MYH7B: variants seen among roughly 807,000 people sequenced by gnomAD.
The protein encoded by MYH7B is myosin-7B.
MYH7B carries 205 observed loss-of-function variants against 234.5 expected under a neutral mutation model. The observed-to-expected ratio is 0.87, with a 90% CI of 0.78 to 0.98. The LOEUF is 0.98. Among genes scored for constraint, MYH7B ranks in the 50% least tolerant of loss-of-function variants. MYH7B has a pLI of 0.00. For synonymous variants in MYH7B, 1,193 were observed against 1,105.0 expected (o/e 1.08, Z -1.58); for missense variants, 2,652 against 2,633.4 (o/e 1.01, Z -0.15).
chr20:34,979,399 G>A (rs746801438), exon 6 of MYH7B: 2 of 1,612,970 alleles, frequency 1.2e-6, no homozygotes, highest in East Asian at 2.2e-5. Flanking sequence ...GGGAAGAAGC[G>A]AGTCTGGGTG....
Position 34,997,457 on chromosome 20 carries a change from G to A in MYH7B, c.3564G>A (p.Ala1188=), listed in dbSNP as rs747493541. 5.4e-5 allele frequency: 80 copies of A among 1,490,804 alleles called. No homozygotes were observed. Among genetic ancestry groups the A allele is most frequent in the South Asian group, 2.2e-4 (17 of 76,254 alleles). 92.3% of individuals were successfully genotyped at this position (1,490,804 alleles called of 1,614,324 possible). A position where few individuals can be genotyped will look rare whatever the true frequency, so the allele number is the denominator to read the frequency against. Residue 1188 remains alanine (A), a synonymous_variant, in exon 32 of 45, where the codon GCG becomes GCA. Coordinates refer to ENST00000262873, the Ensembl canonical transcript of MYH7B. ...GGCTGCGGCGGGAGCTGGAGGAGGC[G>A]GCGCTGCGGCACGAGGCCACAGTGG...
chr20:34,999,251 ACGG>A, exon 36 of MYH7B: 1 of 1,605,198 alleles, frequency 6.2e-7, no homozygotes, highest in Non-Finnish European at 8.5e-7. Flanking sequence ...CACTGGAGGA[ACGG>A]CGGCGGCAGG....
At position 34,998,636 on chromosome 20, in the gene MYH7B, T is replaced by G; in HGVS notation, c.3993+7T>G. ...GCTAGAGGAGGAAAGCAAGGTGGGC[T>G]GGCACCGGTGACCATGGAGTGGGCA... is the stretch of plus-strand genomic sequence containing the variant. On this transcript the variant is annotated splice_region_variant and intron_variant, in intron 34 of 44. Transcript: ENST00000262873. The G allele has an allele frequency of 6.2e-7, 1 of 1,613,002 alleles. No individual in the cohort carries two copies. Among genetic ancestry groups the G allele is most frequent in the Non-Finnish European group, 8.5e-7 (1 of 1,179,880 alleles).
chr20:34,996,390 G>T, exon 29 of MYH7B: 1 of 1,610,786 alleles, frequency 6.2e-7, no homozygotes, highest in Non-Finnish European at 8.5e-7. Context: ...ACGAGTCAGT[G>T]GCCCGGCTGA....
Position 34,997,247 on chromosome 20 carries a change from C to A in MYH7B, c.3358-4C>A. 1.3e-6 allele frequency: 2 copies of A among 1,557,566 alleles called. No individual in the cohort carries two copies. Among genetic ancestry groups the A allele is most frequent in the East Asian group, 4.8e-5 (2 of 42,060 alleles). On this transcript the variant is annotated splice_region_variant and splice_polypyrimidine_tract_variant and intron_variant, in intron 31 of 44. Transcript: ENST00000262873. ...GTGACAGCTGCCCCACGTGCCCACC[C>A]CAGGCTCGGGCGGAGGAGCTGGAAG...
At chr20:34,992,965 T>C in intron 24 of MYH7B, 137 bp from the exon 25 acceptor site, 1 of 1,102,166 alleles carries the variant, frequency 9.1e-7, no homozygotes, top group Non-Finnish European at 1.3e-6. Flanking sequence ...CTGGAACCTC[T>C]GCACCAGCCT....
At position 34,999,915 on chromosome 20, in the gene MYH7B, A is replaced by C. The variant is rs1380956157; in HGVS notation, c.4781+9A>C. On this transcript the variant is annotated intron_variant, in intron 38 of 44. Transcript: ENST00000262873. Reference sequence around the variant, plus strand: ...GAGTGCGCTAACCTGAGGTGTGTCCATCCTTCTCCCGTCCCCACCTCCCGA... The same window carrying C: ...GAGTGCGCTAACCTGAGGTGTGTCCCTCCTTCTCCCGTCCCCACCTCCCGA... 2 of 1,610,914 alleles carry C rather than the reference A, an allele frequency of 1.2e-6. No homozygotes were observed. The highest frequency in any genetic ancestry group is 2.2e-5 in the East Asian group (1 of 44,826).
At position 34,987,038 on chromosome 20, in the gene MYH7B, C is replaced by T. The variant is rs768715114; in HGVS notation, c.1008+49C>T. 3.6e-5 allele frequency: 58 copies of T among 1,608,726 alleles called. 1 individual carries two copies. Among genetic ancestry groups the T allele is most frequent in the South Asian group, 2.0e-4 (18 of 90,946 alleles). ...GCTGTGTGGACGCCTGTGGTGGAAT[C>T]GGGCAGCACTGCCGGTGCCCCCAGC... On this transcript the variant is annotated intron_variant, in intron 15 of 44. Transcript: ENST00000262873.
At chr20:34,977,939 G>A in exon 5 of MYH7B, 1 of 1,613,604 alleles carries the variant, frequency 6.2e-7, no homozygotes, top group Non-Finnish European at 8.5e-7. Flanking sequence ...TCCAGTGCCT[G>A]CTGCCTTGGG....
At chr20:34,993,027 CCT>C in intron 24 of MYH7B, 73 bp from the exon 25 acceptor site, 1 of 1,549,874 alleles carries the variant, frequency 6.5e-7, no homozygotes, top group Non-Finnish European at 8.8e-7. Context: ...CTCCTCAGTC[CCT>C]GACTTCCCCA....
chr20:34,985,010 A>G, intron 12 of MYH7B, 56 bp from the exon 13 acceptor site: 1 of 1,609,266 alleles, frequency 6.2e-7, no homozygotes, highest in South Asian at 1.1e-5. Context: ...GGTCGGGCAC[A>G]GGTGGGGACA....
At chr20:34,990,744 C>T (rs1293491438) in exon 23 of MYH7B, 1 of 1,614,186 alleles carries the variant, frequency 6.2e-7, no homozygotes, top group East Asian at 2.2e-5. Flanking sequence ...CCAGGAGAAC[C>T]TCAACAAGCT....
At chr20:34,968,694 C>A (rs1004914165) in intron 2 of MYH7B, among the ~76,000 whole-genome samples, 2 of 152,206 alleles carry the variant, frequency 1.3e-5, no homozygotes, top group African/African-American at 4.8e-5. Context: ...CATCTTCTAC[C>A]CCAGTGTGTC....
At chr20:34,972,631 C>T (rs1377152650) in intron 2 of MYH7B, among the ~76,000 whole-genome samples, 1 of 152,088 alleles carries the variant, frequency 6.6e-6, no homozygotes, top group Non-Finnish European at 1.5e-5. Flanking sequence ...GTCTGGGTGT[C>T]ACACTTGTTT....
intron 2 of MYH7B, among the ~76,000 whole-genome samples, chr20:34,965,312 C>T (rs2081732370): frequency 2.0e-5 from 3 of 152,248 alleles, no homozygotes. Flanking sequence ...TAACCTGGCT[C>T]AGCCGAATCC....
At chr20:34,996,269 C>T in intron 28 of MYH7B, 77 bp from the exon 29 acceptor site, 1 of 1,496,590 alleles carries the variant, frequency 6.7e-7, no homozygotes, top group Non-Finnish European at 8.9e-7. Context: ...GGGGCACTTG[C>T]TCTGACCTGG....
At chr20:35,000,516 C>T (rs1440165447) in exon 39 of MYH7B, 35 of 1,594,598 alleles carry the variant, frequency 2.2e-5, no homozygotes, top group Admixed American at 5.1e-5. Context: ...CGAGGAGCAG[C>T]GGCTGGCAGC....
chr20:34,962,296 G>A (rs961580403), intron 2 of MYH7B, among the ~76,000 whole-genome samples: 2 of 152,140 alleles, frequency 1.3e-5, no homozygotes, highest in Non-Finnish European at 2.9e-5. Context: ...TTCTGTTCTC[G>A]TGGGTAGATA....
At chr20:34,967,796 G>A (rs561573360) in intron 2 of MYH7B, among the ~76,000 whole-genome samples, 4 of 152,202 alleles carry the variant, frequency 2.6e-5, no homozygotes, top group Non-Finnish European at 4.4e-5. Context: ...AACTACATGG[G>A]AAACTGACCA....
Sources: gnomAD v4.1 joint callset for allele counts (sites outside exome capture counted in the v4.1 genomes callset) on GRCh38, gnomAD v4.1.1 for gene constraint, MANE v1.5 for transcripts, NCBI Gene and HGNC (gene_info 2026-07-23, HGNC 2026-07-21) for gene names.